Variants in CDADC1 observed in about 807,000 individuals in gnomAD.
CDADC1 encodes cytidine and dCMP deaminase domain containing 1, also known as dCTP deaminase.
In CDADC1, 39 loss-of-function variants were observed where a neutral mutation model predicts 54.9. The ratio of observed to expected loss-of-function variants is 0.71; its 90% CI spans 0.55 to 0.93. The LOEUF (loss-of-function observed/expected upper bound fraction) is 0.93, where lower values mean the gene tolerates loss of function less well. Ranked by LOEUF, CDADC1 falls within the 40% of genes least tolerant of loss-of-function variation. The pLI, the probability that CDADC1 is intolerant of heterozygous loss-of-function variation, is 0.00. For synonymous variants in CDADC1, 186 were observed against 204.0 expected (o/e 0.91, Z 0.75); for missense variants, 518 against 618.8 (o/e 0.84, Z 1.73).
chr13:49,283,013 A>C (rs142232065), intron 8 of CDADC1, among the ~76,000 whole-genome samples: 16 of 152,376 alleles, frequency 1.1e-4, no homozygotes, highest in African/African-American at 3.8e-4. Context: ...CCAATGATTT[A>C]ATCCTGGCAT....
intron 3 of CDADC1, among the ~76,000 whole-genome samples, chr13:49,258,106 ATCT>A (rs1257040643): frequency 6.6e-6 from 1 of 152,206 alleles, no homozygotes; most frequent in Non-Finnish European, 1.5e-5. Context: ...ATTCCATAAA[ATCT>A]TCTCTGTTCC....
At chr13:49,275,722 TATATAGAGAG>T (rs1953104765) in intron 6 of CDADC1, among the ~76,000 whole-genome samples, 4 of 19,252 alleles carry the variant, frequency 2.1e-4, no homozygotes, top group East Asian at 1.1e-3. Flanking sequence ...TATATATATA[TATATAGAGAG>T]AGAGAGAGAG....
intron 4 of CDADC1, among the ~76,000 whole-genome samples, chr13:49,261,582 G>T (rs1247085444): frequency 2.0e-5 from 3 of 152,208 alleles, no homozygotes; most frequent in Non-Finnish European, 4.4e-5. Flanking sequence ...ATTAGAGATT[G>T]GGAGCTTGAT....
At chr13:49,268,516 A>C (rs1299808631) in intron 5 of CDADC1, among the ~76,000 whole-genome samples, 1 of 152,090 alleles carries the variant, frequency 6.6e-6, no homozygotes, top group Admixed American at 6.5e-5. Flanking sequence ...TTAGCTGGGC[A>C]TGGTGGTGTC....
chr13:49,253,828 T>C (rs1268903023), intron 2 of CDADC1, among the ~76,000 whole-genome samples: 1 of 152,262 alleles, frequency 6.6e-6, no homozygotes, highest in East Asian at 1.9e-4. Context: ...ATTACAGGCA[T>C]GAGCCACCGC....
Position 49,259,365 on chromosome 13 carries a change from T to C in CDADC1, c.272T>C (p.Val91Ala). 2 of 1,612,728 alleles carry C rather than the reference T, an allele frequency of 1.2e-6. No individual in the cohort carries two copies. Among genetic ancestry groups the C allele is most frequent in the South Asian group, 1.1e-5 (1 of 90,876 alleles). ...DKRQVKRTGL[V>A]VVKNMKIVGL... ...ATGTAGGTAAAGAGAACTGGTCTTG[T>C]GGTGGTGAAAAACATGAAAATTGTT... The change falls in exon 4 of 10, where the codon GTG (valine) becomes GCG (alanine). Residue 91 changes from valine (V) to alanine (A), a missense_variant. Physicochemically the swap from Val to Ala is moderately conservative, Grantham distance 64 (BLOSUM62 0). Coordinates refer to ENST00000251108, the MANE Select transcript of CDADC1 (RefSeq NM_030911.4).
intron 2 of CDADC1, among the ~76,000 whole-genome samples, chr13:49,250,415 A>G (rs895735383): frequency 7.7e-4 from 118 of 152,352 alleles, no homozygotes; most frequent in African/African-American, 2.7e-3. Flanking sequence ...AGTACATAGT[A>G]TAAGCAGAGA....
chr13:49,290,763 T>A (rs1021834311), intron 9 of CDADC1, among the ~76,000 whole-genome samples: 9 of 152,170 alleles, frequency 5.9e-5, no homozygotes, highest in Non-Finnish European at 1.2e-4. Flanking sequence ...GTGGGAGGAT[T>A]GCTTGAGGCC....
At chr13:49,276,294 T>C (rs545810659) in intron 6 of CDADC1, among the ~76,000 whole-genome samples, 1 of 152,202 alleles carries the variant, frequency 6.6e-6, no homozygotes, top group African/African-American at 2.4e-5. Context: ...AGTGGGGAAA[T>C]GATTTGATCA....
At chr13:49,281,282 C>CTGA (rs1442152374) in intron 8 of CDADC1, among the ~76,000 whole-genome samples, 1 of 152,146 alleles carries the variant, frequency 6.6e-6, no homozygotes, top group Non-Finnish European at 1.5e-5. Flanking sequence ...CATCTGGTGG[C>CTGA]TGATAAAAGA....
intron 2 of CDADC1, among the ~76,000 whole-genome samples, chr13:49,251,434 G>A (rs1952431575): frequency 6.6e-6 from 1 of 151,802 alleles, no homozygotes; most frequent in Non-Finnish European, 1.5e-5. Flanking sequence ...ATAAAAACTG[G>A]ACATATTAGA....
intron 4 of CDADC1, chr13:49,265,979 A>G: frequency 3.1e-6 from 4 of 1,297,796 alleles, no homozygotes; most frequent in South Asian, 2.5e-5. Flanking sequence ...GTGAAATGCA[A>G]CCGGAGGAAA....
intron 2 of CDADC1, 131 bp from the exon 3 acceptor site, chr13:49,255,708 C>A: frequency 9.5e-7 from 1 of 1,057,046 alleles, no homozygotes; most frequent in African/African-American, 1.6e-5. Context: ...AGTGGGAAGT[C>A]AATGTAGAGT....
At chr13:49,286,377 TG>T in intron 9 of CDADC1, 95 bp downstream of exon 9, 4 of 873,406 alleles carry the variant, frequency 4.6e-6, no homozygotes, top group Non-Finnish European at 7.5e-6. Context: ...TGTTAATAGA[TG>T]GAGCATATTA....
Position 49,280,525 on chromosome 13 carries a change from C to A in CDADC1, c.1237C>A (p.Pro413Thr). ...TTTTTGTAGGTGTCAAGAAATAAAA[C>A]CAGAAGAAAGAAGCATGATTTTTGT... ...ALTFRCQEIK[P>T]EERSMIFVTK... is the part of the protein sequence containing the mutation. Residue 413 changes from proline (P) to threonine (T), a missense_variant, in exon 8 of 10, where the codon CCA becomes ACA. Physicochemically the swap from Pro to Thr is conservative, Grantham distance 38. Transcript: ENST00000251108. 4.2e-6 allele frequency: 6 copies of A among 1,430,190 alleles called. No homozygotes were observed. The highest frequency in any genetic ancestry group is 3.4e-5 in the South Asian group (2 of 59,390). 88.6% of individuals were successfully genotyped at this position (1,430,190 alleles called of 1,614,324 possible). A position where few individuals can be genotyped will look rare whatever the true frequency, so the allele number is the denominator to read the frequency against.
intron 4 of CDADC1, among the ~76,000 whole-genome samples, chr13:49,260,019 G>A (rs1245373828): frequency 2.0e-5 from 3 of 152,064 alleles, no homozygotes; most frequent in African/African-American, 4.8e-5. Flanking sequence ...GCTCAAGCCC[G>A]GGAGTTCAAG....
chr13:49,255,838 GA>G lies in CDADC1; in HGVS notation c.182del (p.Asn61MetfsTer9). 1 of 1,609,202 alleles carries G rather than the reference GA, an allele frequency of 6.2e-7. No individual in the cohort carries two copies. The highest frequency in any genetic ancestry group is 1.1e-5 in the South Asian group (1 of 89,782). ...PAEAQRQKSQ[K>X]NEEGKHGPLG... ...TTTTTCCTTAATCTGATTTTTATTA[GA>G]AAAATGAAGAGGGAAAGCATGGACC... On this transcript the variant is annotated frameshift_variant and splice_region_variant, in exon 3 of 10. Transcript: ENST00000251108. LOFTEE classifies it high-confidence loss of function.
chr13:49,289,534 C>G (rs1490318440), intron 9 of CDADC1, among the ~76,000 whole-genome samples: 2 of 152,050 alleles, frequency 1.3e-5, no homozygotes, highest in Non-Finnish European at 2.9e-5. Context: ...AAAGCAAAAA[C>G]TGGAAATAAC....
At chr13:49,288,197 G>T (rs1953579955) in intron 9 of CDADC1, among the ~76,000 whole-genome samples, 1 of 152,184 alleles carries the variant, frequency 6.6e-6, no homozygotes. Context: ...TATTGACCCA[G>T]ATGATGGTTA....
Sources: allele counts gnomAD v4.1 joint callset (sites outside exome capture counted in the v4.1 genomes callset), GRCh38; gene constraint gnomAD v4.1.1; transcripts MANE v1.5; gene names NCBI Gene and HGNC (gene_info 2026-07-23, HGNC 2026-07-21).